SUPT3H: variants seen among roughly 807,000 people sequenced by gnomAD.
The protein encoded by SUPT3H is SPT3 homolog, SAGA and STAGA complex component.
In SUPT3H, 44 loss-of-function variants were observed where a neutral mutation model predicts 44.3. The ratio of observed to expected loss-of-function variants is 0.99; its 90% CI spans 0.78 to 1.28. SUPT3H has a LOEUF of 1.28. Among genes scored for constraint, SUPT3H ranks in the 50% most tolerant of loss-of-function variants. The pLI, the probability that SUPT3H is intolerant of heterozygous loss-of-function variation, is 0.00. For synonymous variants in SUPT3H, 124 were observed against 125.6 expected (o/e 0.99, Z 0.09); for missense variants, 380 against 387.1 (o/e 0.98, Z 0.15).
intron 2 of SUPT3H, among the ~76,000 whole-genome samples, chr6:45,239,869 G>A (rs1769958208): frequency 6.6e-6 from 1 of 152,138 alleles, no homozygotes; most frequent in Non-Finnish European, 1.5e-5. Context: ...CACAAAGGGG[G>A]AAACAGGGAC....
chr6:45,300,476 G>A (rs918007845), intron 2 of SUPT3H, among the ~76,000 whole-genome samples: 1 of 152,136 alleles, frequency 6.6e-6, no homozygotes, highest in Non-Finnish European at 1.5e-5. Context: ...AAAATTGCTG[G>A]TAGAAATATA....
At chr6:45,314,852 A>C (rs911909347) in intron 2 of SUPT3H, among the ~76,000 whole-genome samples, 1 of 152,208 alleles carries the variant, frequency 6.6e-6, no homozygotes, top group African/African-American at 2.4e-5. Flanking sequence ...CAAAAAGAAC[A>C]AATCTGGAGG....
intron 10 of SUPT3H, among the ~76,000 whole-genome samples, chr6:44,888,567 C>T (rs144896060): frequency 1.8e-4 from 27 of 152,048 alleles, no homozygotes; most frequent in African/African-American, 6.3e-4. Flanking sequence ...ATTCAACAAC[C>T]CTTCATGCTA....
intron 3 of SUPT3H, among the ~76,000 whole-genome samples, chr6:45,027,570 T>C (rs1020978651): frequency 6.6e-6 from 1 of 152,192 alleles, no homozygotes; most frequent in Non-Finnish European, 1.5e-5. Context: ...GTGACTAACA[T>C]ACCGTAGGAA....
At chr6:45,149,893 T>G (rs1277376582) in intron 2 of SUPT3H, among the ~76,000 whole-genome samples, 2 of 152,186 alleles carry the variant, frequency 1.3e-5, no homozygotes, top group African/African-American at 4.8e-5. Flanking sequence ...GCCTTTTGGC[T>G]AAGATCAAGT....
intron 2 of SUPT3H, among the ~76,000 whole-genome samples, chr6:45,145,091 C>T (rs1298404612): frequency 6.6e-6 from 1 of 152,000 alleles, no homozygotes; most frequent in Non-Finnish European, 1.5e-5. Context: ...GAGCATACTG[C>T]CAAAAGCAAT....
At chr6:44,982,153 G>A (rs1779178849) in intron 6 of SUPT3H, among the ~76,000 whole-genome samples, 1 of 152,146 alleles carries the variant, frequency 6.6e-6, no homozygotes, top group Non-Finnish European at 1.5e-5. Flanking sequence ...TCCACACTGA[G>A]AAAATTTCAA....
intron 11 of SUPT3H, among the ~76,000 whole-genome samples, chr6:44,810,677 G>C (rs562930254): frequency 6.6e-6 from 1 of 151,990 alleles, no homozygotes; most frequent in South Asian, 2.1e-4. Context: ...GGAGGCTGAG[G>C]CAGGTGGATC....
Position 44,903,776 on chromosome 6 carries a change from T to A in SUPT3H, c.912+28877A>T, listed in dbSNP as rs532862310. On this transcript the variant is annotated intron_variant, in intron 10 of 10. Coordinates refer to ENST00000371459, the MANE Select transcript of SUPT3H (RefSeq NM_003599.4). ...TCTGTGATTAATATTGATGCAAAAA[T>A]CCTCAATAAAATACTGGCAAACCGA... is the stretch of plus-strand genomic sequence containing the variant. 5.3e-5 allele frequency among the ~76,000 whole-genome samples: 8 copies of A among 152,172 alleles called. 1 individual carries two copies. The South Asian group carries it at 1.7e-3, about 32-fold the overall frequency.
Position 45,365,539 on chromosome 6 carries a change from T to G in SUPT3H, c.1-238A>C, listed in dbSNP as rs566334949. Among the ~76,000 whole-genome samples, 8 of 151,720 alleles carry G rather than the reference T, an allele frequency of 5.3e-5. No individual in the cohort carries two copies. The East Asian group carries it at 1.5e-3, about 29-fold the overall frequency. ...TTACTCACTTCAGTGATAAATACTTTAGCACCTATTTTACAATAGGTAATG... is the reference window on the plus strand; with the variant it reads ...TTACTCACTTCAGTGATAAATACTTGAGCACCTATTTTACAATAGGTAATG... On this transcript the variant is annotated intron_variant, in intron 1 of 10. Transcript: ENST00000371459.
intron 3 of SUPT3H, among the ~76,000 whole-genome samples, chr6:45,083,911 T>C (rs1453556878): frequency 6.6e-6 from 1 of 152,156 alleles, no homozygotes; most frequent in African/African-American, 2.4e-5. Flanking sequence ...TTGGATACAT[T>C]TAGCTAGCTA....
intron 6 of SUPT3H, 41 bp downstream of exon 6, chr6:45,003,612 T>G (rs1311953229): frequency 6.2e-7 from 1 of 1,602,516 alleles, no homozygotes; most frequent in Non-Finnish European, 8.5e-7. Flanking sequence ...GGCACTGCAA[T>G]GATTGTTCTA....
intron 1 of SUPT3H, among the ~76,000 whole-genome samples, chr6:45,372,663 A>G (rs7744673): frequency 0.18 from 27,367 of 151,964 alleles, 3,824 homozygotes; most frequent in African/African-American, 0.39. Flanking sequence ...CAAACAGAGT[A>G]CTATTTTCTT....
At chr6:45,175,145 ATTAT>A (rs1263349643) in intron 2 of SUPT3H, among the ~76,000 whole-genome samples, 6 of 151,914 alleles carry the variant, frequency 3.9e-5, no homozygotes, top group African/African-American at 1.2e-4. Context: ...TCTAATAAAA[ATTAT>A]TTGTTTGTAT....
chr6:45,224,638 C>T (rs889761009), intron 2 of SUPT3H, among the ~76,000 whole-genome samples: 3 of 151,676 alleles, frequency 2.0e-5, no homozygotes, highest in Admixed American at 1.3e-4. Flanking sequence ...ATCAGCTGGG[C>T]GTGGTGGTGT....
At chr6:44,982,511 A>G (rs939878077) in intron 6 of SUPT3H, among the ~76,000 whole-genome samples, 34 of 152,328 alleles carry the variant, frequency 2.2e-4, no homozygotes, top group African/African-American at 8.2e-4. Flanking sequence ...CACCATGCCC[A>G]GCCCGATTCT....
At chr6:45,150,684 A>G (rs1806783840) in intron 2 of SUPT3H, among the ~76,000 whole-genome samples, 1 of 149,624 alleles carries the variant, frequency 6.7e-6, no homozygotes, top group South Asian at 2.1e-4. Context: ...CGATTCTCAG[A>G]CCAACTTCTA....
intron 2 of SUPT3H, among the ~76,000 whole-genome samples, chr6:45,219,143 T>A (rs1293374990): frequency 2.6e-5 from 4 of 151,648 alleles, no homozygotes; most frequent in African/African-American, 9.7e-5. Flanking sequence ...CATGCTTACA[T>A]TAGAAAAAAA....
At chr6:45,279,445 G>A (rs1327227119) in intron 2 of SUPT3H, among the ~76,000 whole-genome samples, 1 of 152,152 alleles carries the variant, frequency 6.6e-6, no homozygotes, top group Non-Finnish European at 1.5e-5. Context: ...TTTGGGTCAT[G>A]GAGGCAGATC....
Sources: gnomAD v4.1 joint callset for allele counts (sites outside exome capture counted in the v4.1 genomes callset) on GRCh38, gnomAD v4.1.1 for gene constraint, MANE v1.5 for transcripts, NCBI Gene and HGNC (gene_info 2026-07-23, HGNC 2026-07-21) for gene names.